The following ERC1 variants were observed in gnomAD, a reference collection of about 807,000 sequenced individuals.
The protein encoded by ERC1 is RAB6 interacting protein 2.
Under a neutral mutation model 132.0 loss-of-function variants are expected in ERC1, and 56 were observed. That is an observed-to-expected ratio of 0.42 (90% CI 0.34 to 0.53). ERC1 has a LOEUF of 0.53. Ranked by LOEUF, ERC1 falls within the 20% of genes least tolerant of loss-of-function variation. ERC1 has a pLI of 0.03. For synonymous variants in ERC1, 478 were observed against 476.1 expected (o/e 1.00, Z -0.05); for missense variants, 1,202 against 1,349.9 (o/e 0.89, Z 1.72).
intron 8 of ERC1, among the ~76,000 whole-genome samples, chr12:1,168,641 C>T (rs990937263): frequency 3.3e-5 from 5 of 151,854 alleles, no homozygotes; most frequent in Admixed American, 1.3e-4. Context: ...CCCACCACCA[C>T]ACCCGGCTAA....
chr12:1,034,916 G>A (rs1968774138), intron 2 of ERC1, among the ~76,000 whole-genome samples: 1 of 152,278 alleles, frequency 6.6e-6, no homozygotes, highest in African/African-American at 2.4e-5. Flanking sequence ...ACCCATATGT[G>A]CTGAAGAATG....
intron 6 of ERC1, among the ~76,000 whole-genome samples, chr12:1,114,051 G>A (rs1008936204): frequency 6.6e-6 from 1 of 151,920 alleles, no homozygotes; most frequent in Non-Finnish European, 1.5e-5. Context: ...TTGAGACAGA[G>A]TCTTTCTCTG....
rs527923641 is a variant in ERC1 at position 1,116,612 on chromosome 12, G to A, written c.1569+579G>A. On this transcript the variant is annotated intron_variant, in intron 7 of 18. Transcript: ENST00000360905. The stretch of plus-strand genomic sequence containing the variant: ...GATGGCCTCTCGCTCTGTTGCCCAG[G>A]CTGGAGTGCAGTGGTGTGATCTTGG... Among the ~76,000 whole-genome samples, 5 of 151,244 alleles carry A rather than the reference G, an allele frequency of 3.3e-5. No individual in the cohort carries two copies. The East Asian group carries it at 9.7e-4, about 29-fold the overall frequency.
chr12:1,306,433 C>A (rs1168859769), intron 15 of ERC1, among the ~76,000 whole-genome samples: 1 of 152,174 alleles, frequency 6.6e-6, no homozygotes, highest in Non-Finnish European at 1.5e-5. Flanking sequence ...ATAAGACAGA[C>A]ACACTGTGCT....
chr12:1,315,177 A>T (rs907048455), intron 15 of ERC1, among the ~76,000 whole-genome samples: 4 of 151,586 alleles, frequency 2.6e-5, no homozygotes, highest in African/African-American at 9.7e-5. Context: ...GCACCACCAC[A>T]TTTGGCTAAT....
chr12:1,180,839 G>T (rs1047590450), intron 9 of ERC1, among the ~76,000 whole-genome samples, 162 bp downstream of exon 9: 2 of 133,150 alleles, frequency 1.5e-5, no homozygotes, highest in Non-Finnish European at 2.9e-5. Context: ...TTTTTAGATG[G>T]AGTCTCACTC....
At chr12:1,131,511 G>A (rs557180022) in intron 7 of ERC1, among the ~76,000 whole-genome samples, 150 of 152,216 alleles carry the variant, frequency 9.9e-4, no homozygotes, top group African/African-American at 3.5e-3. Context: ...ACCCAGGCTG[G>A]AGTGCAGTGG....
Position 1,083,364 on chromosome 12 carries a change from A to T in ERC1, c.870A>T (p.Glu290Asp). The T allele has an allele frequency of 2.5e-6, 4 of 1,614,158 alleles. No homozygotes were observed. Residue 290 changes from glutamate to aspartate, a missense_variant, in exon 3 of 19, where the codon GAA (glutamate) becomes GAT (aspartate). By Grantham distance (45) the Glu-to-Asp change is conservative. Transcript: ENST00000360905. ...TTCTTCTTCGAAAGACATTGGAGGA[A>T]ATGGAGCTGCGTATTGAGACTCAAA... Reference protein sequence around the residue: ...ELFLLRKTLEEMELRIETQKQ... With the variant: ...ELFLLRKTLEDMELRIETQKQ...
At chr12:1,343,523 A>T (rs2084122152) in intron 15 of ERC1, among the ~76,000 whole-genome samples, 1 of 152,138 alleles carries the variant, frequency 6.6e-6, no homozygotes, top group Non-Finnish European at 1.5e-5. Context: ...CCTGAAGCAG[A>T]TTCTCTTGTA....
chr12:1,031,048 C>G (rs1342546295), intron 2 of ERC1, among the ~76,000 whole-genome samples: 1 of 152,144 alleles, frequency 6.6e-6, no homozygotes, highest in Non-Finnish European at 1.5e-5. Context: ...ATTGTCTTAC[C>G]ATTCTTACTA....
Position 1,103,193 on chromosome 12 carries a change from A to G in ERC1, c.1087-1557A>G, listed in dbSNP as rs181547242. ...AGAGGCATTTGAGCCAAGACTGGAA[A>G]GAAGTGAAGTCTTCCCCTAGCAGCT... is the stretch of plus-strand genomic sequence containing the variant. On this transcript the variant is annotated intron_variant, in intron 3 of 18. Coordinates refer to ENST00000360905, the MANE Select transcript of ERC1 (RefSeq NM_178040.4). Among the ~76,000 whole-genome samples, 511 of 152,360 alleles carry G rather than the reference A, an allele frequency of 3.4e-3. 4 individuals carry two copies. The highest frequency in any genetic ancestry group is 0.012 in the African/African-American group (480 of 41,584).
intron 16 of ERC1, among the ~76,000 whole-genome samples, chr12:1,378,049 G>C (rs2088156439): frequency 6.6e-6 from 1 of 152,168 alleles, no homozygotes; most frequent in Non-Finnish European, 1.5e-5. Flanking sequence ...TTACTGGTTT[G>C]AAATGTGTCG....
chr12:1,353,087 G>C (rs1459017247), intron 15 of ERC1, among the ~76,000 whole-genome samples: 1 of 148,396 alleles, frequency 6.7e-6, no homozygotes, highest in African/African-American at 2.5e-5. Context: ...CTGGAGTGCA[G>C]TGGTGTGATC....
intron 2 of ERC1, among the ~76,000 whole-genome samples, chr12:1,034,634 T>C (rs964773064): frequency 3.9e-5 from 6 of 152,168 alleles, no homozygotes; most frequent in Non-Finnish European, 8.8e-5. Context: ...GTCACCGTTA[T>C]ACCTTGTTGA....
chr12:1,218,710 C>T (rs1047461193), intron 12 of ERC1, among the ~76,000 whole-genome samples: 2 of 151,714 alleles, frequency 1.3e-5, no homozygotes. Context: ...TCTCTGATAC[C>T]AGTGTCTCCT....
chr12:1,278,345 A>C (rs759590319), intron 14 of ERC1, among the ~76,000 whole-genome samples: 33 of 152,212 alleles, frequency 2.2e-4, no homozygotes, highest in Admixed American at 1.7e-3. Context: ...ATGGCAACCC[A>C]GCACTCTGCA....
chr12:1,156,486 C>G (rs1205551170), intron 8 of ERC1, among the ~76,000 whole-genome samples: 1 of 152,136 alleles, frequency 6.6e-6, no homozygotes, highest in Admixed American at 6.5e-5. Context: ...ATCTGTTCAC[C>G]TCAGCCTCCC....
At chr12:1,078,602 A>G (rs1331075243) in intron 2 of ERC1, among the ~76,000 whole-genome samples, 1 of 150,786 alleles carries the variant, frequency 6.6e-6, no homozygotes, top group Non-Finnish European at 1.5e-5. Context: ...GAAAATATCT[A>G]TTAAAAGTCA....
intron 7 of ERC1, among the ~76,000 whole-genome samples, chr12:1,138,429 T>G (rs1243266269): frequency 1.4e-5 from 2 of 146,608 alleles, no homozygotes; most frequent in Non-Finnish European, 1.5e-5. Context: ...GAAATATTGG[T>G]AAGTTCTGTA....
Sources: gnomAD v4.1 joint callset for allele counts (sites outside exome capture counted in the v4.1 genomes callset) on GRCh38, gnomAD v4.1.1 for gene constraint, MANE v1.5 for transcripts, NCBI Gene and HGNC (gene_info 2026-07-23, HGNC 2026-07-21) for gene names.